CABCOCO1: variants seen among roughly 807,000 people sequenced by gnomAD.
CABCOCO1 encodes ciliary-associated calcium-binding coiled-coil protein 1.
A neutral mutation model predicts 35.7 loss-of-function variants in CABCOCO1; 28 were observed. The observed-to-expected ratio is 0.78, with a 90% CI of 0.58 to 1.07. The LOEUF (loss-of-function observed/expected upper bound fraction) is 1.07, where lower values mean the gene tolerates loss of function less well. CABCOCO1 is among the 50% of genes least tolerant of loss of function. The pLI is 0.00. For synonymous variants in CABCOCO1, 95 were observed against 100.1 expected (o/e 0.95, Z 0.30); for missense variants, 326 against 309.2 (o/e 1.05, Z -0.41).
chr10:61,667,673 T>G lies in CABCOCO1; in HGVS notation c.60+4641T>G, dbSNP rs544791081. Among the ~76,000 whole-genome samples the G allele has an allele frequency of 3.3e-5, 5 of 152,054 alleles. No individual in the cohort carries two copies. The East Asian group carries it at 5.8e-4, about 18-fold the overall frequency. On this transcript the variant is annotated intron_variant, in intron 1 of 7. Transcript: ENST00000648843. ...AAGTTTTTACCTTTTCTGTTTCTAATTAGCTTCTTGTATAGGAAAAAACTG... is the reference window on the plus strand; with the variant it reads ...AAGTTTTTACCTTTTCTGTTTCTAAGTAGCTTCTTGTATAGGAAAAAACTG...
At chr10:61,748,756 C>T (rs544747146) in intron 5 of CABCOCO1, among the ~76,000 whole-genome samples, 163 of 152,248 alleles carry the variant, frequency 1.1e-3, no homozygotes, top group African/African-American at 3.6e-3. Context: ...ATTCAAACCA[C>T]GAAAATAGGT....
intron 5 of CABCOCO1, chr10:61,701,964 T>C: frequency 3.8e-6 from 1 of 261,686 alleles, no homozygotes; most frequent in Non-Finnish European, 5.9e-6. Context: ...ACTAAATAAA[T>C]GCAATCACTT....
chr10:61,764,600 A>T (rs1842070742), intron 7 of CABCOCO1, among the ~76,000 whole-genome samples: 1 of 152,016 alleles, frequency 6.6e-6, no homozygotes, highest in Non-Finnish European at 1.5e-5. Flanking sequence ...TTTCGACCCT[A>T]CCTAAAATCA....
intron 2 of CABCOCO1, among the ~76,000 whole-genome samples, chr10:61,679,831 A>G (rs1839653040): frequency 6.6e-6 from 1 of 152,162 alleles, no homozygotes; most frequent in Admixed American, 6.5e-5. Context: ...TTTAAAACAT[A>G]TGAAGCAACT....
chr10:61,691,237 T>C (rs909068343), intron 5 of CABCOCO1, among the ~76,000 whole-genome samples: 1 of 152,162 alleles, frequency 6.6e-6, no homozygotes, highest in African/African-American at 2.4e-5. Context: ...TGTGGGTTGA[T>C]GTAGTTACTA....
At chr10:61,720,938 T>TTTTTG in intron 5 of CABCOCO1, among the ~76,000 whole-genome samples, 1 of 119,426 alleles carries the variant, frequency 8.4e-6, no homozygotes, top group Non-Finnish European at 1.7e-5. Context: ...TTTTTTTTTT[T>TTTTTG]TTTTGCGACA....
At position 61,672,712 on chromosome 10, in the gene CABCOCO1, G is replaced by T. The variant is rs1839397229; in HGVS notation, c.141G>T (p.Met47Ile). The change falls in exon 2 of 8, where the codon ATG becomes ATT. Residue 47 changes from methionine (M) to isoleucine (I), a missense_variant. Coordinates refer to ENST00000648843, the MANE Select transcript of CABCOCO1 (RefSeq NM_001366906.2). ...LSVAQITDLLMEDIDGVQEKL... is the reference protein window; with the variant it reads ...LSVAQITDLLIEDIDGVQEKL... ...TTGCCCAAATCACTGATTTGTTAATGGAGGACATCGATGGAGTTCAAGAGT... is the reference window on the plus strand; with the variant it reads ...TTGCCCAAATCACTGATTTGTTAATTGAGGACATCGATGGAGTTCAAGAGT... 6 of 985,364 alleles carry T rather than the reference G, an allele frequency of 6.1e-6. No homozygotes were observed. The highest frequency in any genetic ancestry group is 4.8e-6 in the Non-Finnish European group (4 of 829,894). 61.0% of individuals were successfully genotyped at this position (985,364 alleles called of 1,614,324 possible). A position where few individuals can be genotyped will look rare whatever the true frequency, so the allele number is the denominator to read the frequency against.
intron 5 of CABCOCO1, among the ~76,000 whole-genome samples, chr10:61,728,203 C>T (rs545897960): frequency 6.6e-6 from 1 of 152,154 alleles, no homozygotes; most frequent in South Asian, 2.1e-4. Flanking sequence ...ATCTGTAAGT[C>T]TTCTTGTGCA....
At chr10:61,720,917 CT>C (rs71018996) in intron 5 of CABCOCO1, among the ~76,000 whole-genome samples, 63 of 66,000 alleles carry the variant, frequency 9.5e-4, no homozygotes, top group African/African-American at 2.4e-3. Context: ...TCTTTTCATT[CT>C]TTTTTTTTTT....
intron 5 of CABCOCO1, among the ~76,000 whole-genome samples, chr10:61,717,809 G>T (rs1042436567): frequency 2.0e-5 from 3 of 152,086 alleles, no homozygotes; most frequent in African/African-American, 4.8e-5. Context: ...TTCAGAGAAG[G>T]GCAGAATTTA....
intron 4 of CABCOCO1, among the ~76,000 whole-genome samples, chr10:61,687,945 G>T (rs779172330): frequency 1.2e-4 from 18 of 152,042 alleles, no homozygotes; most frequent in Non-Finnish European, 2.2e-4. Context: ...TTGTATAAAA[G>T]AAAATATGCT....
chr10:61,680,914 A>G (rs1010571249), intron 2 of CABCOCO1, among the ~76,000 whole-genome samples: 1 of 151,230 alleles, frequency 6.6e-6, no homozygotes, highest in Non-Finnish European at 1.5e-5. Context: ...GAAACAGAAA[A>G]TAAAGAGGAA....
chr10:61,724,097 T>C (rs929325395), intron 5 of CABCOCO1, among the ~76,000 whole-genome samples: 2 of 152,184 alleles, frequency 1.3e-5, no homozygotes, highest in African/African-American at 2.4e-5. Context: ...TAGATAGCTA[T>C]GAAAATCCCA....
chr10:61,753,097 A>G (rs1423840796), intron 5 of CABCOCO1, among the ~76,000 whole-genome samples: 10 of 152,176 alleles, frequency 6.6e-5, no homozygotes, highest in Admixed American at 5.9e-4. Flanking sequence ...TTATTCAAAA[A>G]GAGTATTCTC....
At chr10:61,724,983 A>G (rs1205118270) in intron 5 of CABCOCO1, among the ~76,000 whole-genome samples, 1 of 152,208 alleles carries the variant, frequency 6.6e-6, no homozygotes, top group Non-Finnish European at 1.5e-5. Flanking sequence ...ATCTTACCGA[A>G]TATCTTTTTC....
intron 5 of CABCOCO1, among the ~76,000 whole-genome samples, chr10:61,710,977 C>T (rs1415527680): frequency 6.6e-6 from 1 of 151,582 alleles, no homozygotes; most frequent in African/African-American, 2.4e-5. Flanking sequence ...CAAACAAAAA[C>T]TTATAGCTAA....
At chr10:61,666,131 T>C (rs1384489374) in intron 1 of CABCOCO1, among the ~76,000 whole-genome samples, 1 of 152,146 alleles carries the variant, frequency 6.6e-6, no homozygotes, top group African/African-American at 2.4e-5. Flanking sequence ...GTAACCTGTC[T>C]AGGAGATCAT....
chr10:61,683,494 G>A (rs889832843), intron 3 of CABCOCO1, among the ~76,000 whole-genome samples: 1 of 151,906 alleles, frequency 6.6e-6, no homozygotes, highest in South Asian at 2.1e-4. Flanking sequence ...CCAGGAGGCT[G>A]AGGCTGCAGT....
chr10:61,761,027 C>A, intron 7 of CABCOCO1, 24 bp downstream of exon 7: 1 of 1,608,246 alleles, frequency 6.2e-7, no homozygotes, highest in South Asian at 1.1e-5. Context: ...ATAGTATGCT[C>A]ACTTACTTTA....
Sources: allele counts gnomAD v4.1 joint callset (sites outside exome capture counted in the v4.1 genomes callset), GRCh38; gene constraint gnomAD v4.1.1; transcripts MANE v1.5; gene names NCBI Gene and HGNC (gene_info 2026-07-23, HGNC 2026-07-21).